WDFY4: variants seen among roughly 807,000 people sequenced by gnomAD.
The protein encoded by WDFY4 is WD repeat- and FYVE domain-containing protein 4.
In WDFY4, 169 loss-of-function variants were observed where a neutral mutation model predicts 351.9. The observed-to-expected ratio is 0.48, with a 90% confidence interval of 0.42 to 0.55. WDFY4 has a LOEUF of 0.55. Among genes scored for constraint, WDFY4 ranks in the 20% least tolerant of loss-of-function variants. The probability of loss-of-function intolerance (pLI) is 0.00; values close to 1 mark genes in which losing one functional copy is unlikely to be tolerated. For synonymous variants in WDFY4, 1,622 were observed against 1,574.6 expected, an observed-to-expected ratio of 1.03 and a Z score of -0.71; for missense variants, 3,803 against 3,935.6, an observed-to-expected ratio of 0.97 and a Z score of 0.90.
intron 45 of WDFY4, 116 bp downstream of exon 45, chr10:48,897,690 AGCCCAGTGCCCTT>A: frequency 1.4e-6 from 2 of 1,439,352 alleles, no homozygotes; most frequent in Non-Finnish European, 1.8e-6. Flanking sequence ...GCCTATGCAC[AGCCCAGTGCCCTT>A]AAGGAGACAC....
chr10:48,802,203 C>A (rs928247981), intron 24 of WDFY4, among the ~76,000 whole-genome samples: 3 of 151,928 alleles, frequency 2.0e-5, no homozygotes, highest in Non-Finnish European at 2.9e-5. Context: ...AACAATACCC[C>A]ACTCTACAAA....
At chr10:48,879,480 A>G (rs771051764) in intron 43 of WDFY4, among the ~76,000 whole-genome samples, 1 of 152,248 alleles carries the variant, frequency 6.6e-6, no homozygotes, top group Non-Finnish European at 1.5e-5. Context: ...TAGGAGAACA[A>G]TGGCAGTGCT....
In WDFY4 at chr10:48,856,030, G is replaced by C. The variant is rs1031120358; in HGVS notation, c.6664-11235G>C. Among the ~76,000 whole-genome samples the C allele has an allele frequency of 8.5e-5, 13 of 152,186 alleles. No individual in the cohort carries two copies. The East Asian group carries it at 2.3e-3, about 27-fold the overall frequency. The stretch of plus-strand genomic sequence containing the variant: ...TTGGAACGTGTCCCCTGAAGGTAAG[G>C]AGAGACTATTGTAACTATATTTTTA... On this transcript the variant is annotated intron_variant, in intron 39 of 61. Coordinates refer to ENST00000325239, the MANE Select transcript of WDFY4 (RefSeq NM_001394531.1).
At chr10:48,842,134 T>C (rs116311807) in intron 39 of WDFY4, among the ~76,000 whole-genome samples, 1,619 of 151,936 alleles carry the variant, frequency 0.011, 28 homozygotes, top group African/African-American at 0.037. Flanking sequence ...CAGTTTTGTG[T>C]GGAGAAGATT....
intron 20 of WDFY4, among the ~76,000 whole-genome samples, chr10:48,787,807 C>CTCCTCCTCCTCTTCTTCTTCT (rs796166984): frequency 1.3e-5 from 1 of 76,682 alleles, no homozygotes; most frequent in East Asian, 4.4e-4. Flanking sequence ...CCTCCTCCTC[C>CTCCTCCTCCTCTTCTTCTTCT]TCTTCTTCTT....
chr10:48,875,522 C>T (rs965623231), intron 42 of WDFY4, among the ~76,000 whole-genome samples: 2 of 152,220 alleles, frequency 1.3e-5, no homozygotes, highest in African/African-American at 4.8e-5. Flanking sequence ...TCACACAATC[C>T]TCCTGCCTCA....
intron 24 of WDFY4, among the ~76,000 whole-genome samples, chr10:48,803,059 A>G (rs2067137824): frequency 6.6e-6 from 1 of 152,182 alleles, no homozygotes; most frequent in Non-Finnish European, 1.5e-5. Context: ...CCAGGCCCAC[A>G]ATGAAGTGCC....
intron 24 of WDFY4, chr10:48,802,864 A>T (rs557888977): frequency 2.1e-6 from 1 of 479,794 alleles, no homozygotes; most frequent in Admixed American, 2.3e-5. Context: ...GCTGGTGGTG[A>T]GTGGAGACTG....
intron 43 of WDFY4, among the ~76,000 whole-genome samples, chr10:48,881,465 G>A (rs2070246079): frequency 6.6e-6 from 1 of 152,184 alleles, no homozygotes; most frequent in Non-Finnish European, 1.5e-5. Flanking sequence ...TGAGAGGCCT[G>A]ACCAGCTGGA....
At chr10:48,722,322 T>C (rs937578383) in intron 4 of WDFY4, among the ~76,000 whole-genome samples, 1 of 152,128 alleles carries the variant, frequency 6.6e-6, no homozygotes, top group Non-Finnish European at 1.5e-5. Flanking sequence ...CTCTCTGCAG[T>C]CTAAGTGGTG....
chr10:48,714,590 T>C (rs1327334739), intron 2 of WDFY4, among the ~76,000 whole-genome samples: 1 of 152,172 alleles, frequency 6.6e-6, no homozygotes, highest in African/African-American at 2.4e-5. Context: ...CTAGCAATCA[T>C]GGGAAGGTGC....
chr10:48,699,387 C>A (rs1252115062), intron 1 of WDFY4, among the ~76,000 whole-genome samples: 1 of 152,170 alleles, frequency 6.6e-6, no homozygotes, highest in Non-Finnish European at 1.5e-5. Flanking sequence ...CTTCACACCC[C>A]ACACGCATAC....
At chr10:48,850,811 C>G (rs2068933118) in intron 39 of WDFY4, among the ~76,000 whole-genome samples, 1 of 152,210 alleles carries the variant, frequency 6.6e-6, no homozygotes, top group African/African-American at 2.4e-5. Context: ...TGCTGTCAAG[C>G]TTCTGCACAT....
chr10:48,899,282 A>G (rs768321962), intron 45 of WDFY4, among the ~76,000 whole-genome samples: 4 of 152,200 alleles, frequency 2.6e-5, no homozygotes, highest in Non-Finnish European at 4.4e-5. Context: ...CATTATTTAT[A>G]TTTCTATTTG....
intron 1 of WDFY4, among the ~76,000 whole-genome samples, chr10:48,698,421 T>C (rs372127649): frequency 1.0e-3 from 159 of 152,320 alleles, no homozygotes; most frequent in African/African-American, 3.6e-3. Context: ...GCCTTGCCTG[T>C]GCAGATCAGA....
intron 35 of WDFY4, chr10:48,823,791 A>G: frequency 2.0e-6 from 2 of 989,068 alleles, no homozygotes; most frequent in Non-Finnish European, 2.4e-6. Context: ...CTCCCCACAT[A>G]TCCACCAGCC....
At chr10:48,773,410 T>G (rs1339445425) in intron 13 of WDFY4, among the ~76,000 whole-genome samples, 1 of 151,896 alleles carries the variant, frequency 6.6e-6, no homozygotes, top group Admixed American at 6.6e-5. Context: ...GTCCTAAGAG[T>G]TTTTGTAAAG....
chr10:48,762,835 G>A (rs1034400967), intron 13 of WDFY4, among the ~76,000 whole-genome samples: 2 of 152,244 alleles, frequency 1.3e-5, no homozygotes, highest in Admixed American at 6.5e-5. Context: ...GGCCTGCCAA[G>A]GACTTAGGCC....
Position 48,827,812 on chromosome 10 carries a change from A to G in WDFY4, c.6221+903A>G, listed in dbSNP as rs12412702. Among the ~76,000 whole-genome samples, 75 of 152,028 alleles carry G rather than the reference A, an allele frequency of 4.9e-4. No individual in the cohort carries two copies. In the East Asian group the frequency reaches 0.012, roughly 23 times the overall value. On this transcript the variant is annotated intron_variant, in intron 36 of 61. Coordinates refer to ENST00000325239, the MANE Select transcript of WDFY4 (RefSeq NM_001394531.1). ...AAAACTCTCTGGGAAGCCCTGGGAAACCCTCCTAGCCCAGAGAGGCACTTG... is the reference window on the plus strand; with the variant it reads ...AAAACTCTCTGGGAAGCCCTGGGAAGCCCTCCTAGCCCAGAGAGGCACTTG...
Sources: allele counts gnomAD v4.1 joint callset (sites outside exome capture counted in the v4.1 genomes callset), GRCh38; gene constraint gnomAD v4.1.1; transcripts MANE v1.5; gene names NCBI Gene and HGNC (gene_info 2026-07-23, HGNC 2026-07-21).